Variants in NTM observed in about 807,000 individuals in gnomAD.
NTM encodes IgLON family member 2.
Under a neutral mutation model 42.1 loss-of-function variants are expected in NTM, and 13 were observed. The ratio of observed to expected loss-of-function variants is 0.31; its 90% CI spans 0.20 to 0.49. The LOEUF (loss-of-function observed/expected upper bound fraction) is 0.49. Ranked by LOEUF, NTM falls within the 20% of genes least tolerant of loss-of-function variation. The pLI, the probability that NTM is intolerant of heterozygous loss-of-function variation, is 0.99. For synonymous variants in NTM, 187 were observed against 179.2 expected (o/e 1.04, Z -0.35); for missense variants, 373 against 452.8 (o/e 0.82, Z 1.60).
At chr11:132,254,826 T>A (rs939084367) in intron 4 of NTM, among the ~76,000 whole-genome samples, 1 of 152,126 alleles carries the variant, frequency 6.6e-6, no homozygotes, top group African/African-American at 2.4e-5. Context: ...GGGTTCTCAT[T>A]CTTGGCGCCA....
chr11:132,056,324 C>T (rs1281971055), intron 2 of NTM, among the ~76,000 whole-genome samples: 1 of 152,150 alleles, frequency 6.6e-6, no homozygotes, highest in African/African-American at 2.4e-5. Flanking sequence ...TACACGTCAT[C>T]CCCTATCCCC....
rs1337236311 is a variant in NTM at position 131,373,692 on chromosome 11, G to A, written c.82+2804G>A. 2.0e-5 allele frequency among the ~76,000 whole-genome samples: 3 copies of A among 152,180 alleles called. No individual in the cohort carries two copies. In the East Asian group the frequency reaches 5.8e-4, roughly 29 times the overall value. On this transcript the variant is annotated intron_variant, in intron 1 of 8. Coordinates refer to ENST00000683400, the MANE Select transcript of NTM (RefSeq NM_001352005.2). The stretch of plus-strand genomic sequence containing the variant: ...CCACTGAGAGCCTCTGAAAGGAATG[G>A]CTGCTTGTGCTGCAGCTTCCTCTTT...
At position 131,494,600 on chromosome 11, in the gene NTM, C is replaced by T. The variant is rs143476685; in HGVS notation, c.82+123712C>T. On this transcript the variant is annotated intron_variant, in intron 1 of 8. Transcript: ENST00000683400. ...TGGGGCAAACTCAGATGATTGGTCA[C>T]TCCATTGCATGTGCAAAGATGATAA... Among the ~76,000 whole-genome samples the T allele has an allele frequency of 4.6e-5, 7 of 152,328 alleles. No individual in the cohort carries two copies. In the East Asian group the frequency reaches 9.6e-4, roughly 21 times the overall value.
At chr11:131,507,283 A>G (rs1302498994) in intron 1 of NTM, among the ~76,000 whole-genome samples, 1 of 151,994 alleles carries the variant, frequency 6.6e-6, no homozygotes, top group Non-Finnish European at 1.5e-5. Context: ...ATGGCTAGCC[A>G]GTTTTCCCAG....
At chr11:131,608,147 T>C (rs1379204091) in intron 1 of NTM, among the ~76,000 whole-genome samples, 2 of 152,154 alleles carry the variant, frequency 1.3e-5, no homozygotes, top group Non-Finnish European at 2.9e-5. Context: ...ACATGCAGTG[T>C]GTGGTTTTTT....
intron 4 of NTM, among the ~76,000 whole-genome samples, chr11:132,297,643 G>T (rs145946180): frequency 1.4e-4 from 22 of 152,104 alleles, no homozygotes; most frequent in African/African-American, 5.3e-4. Flanking sequence ...TGAAACATAC[G>T]TAAGGCTCTG....
chr11:131,476,229 AAGGTT>A (rs1396866561), intron 1 of NTM, among the ~76,000 whole-genome samples: 3 of 152,182 alleles, frequency 2.0e-5, no homozygotes, highest in African/African-American at 7.2e-5. Context: ...ATTCTCCACT[AAGGTT>A]AGGGAGCACT....
chr11:132,330,052 G>A (rs762929072), intron 7 of NTM, 101 bp from the exon 8 acceptor site: 85 of 1,522,636 alleles, frequency 5.6e-5, no homozygotes, highest in Non-Finnish European at 7.3e-5. Flanking sequence ...GGACGCTGCT[G>A]CGCCAGGAGC....
At chr11:132,114,245 T>G (rs752859486) in intron 2 of NTM, among the ~76,000 whole-genome samples, 7 of 152,234 alleles carry the variant, frequency 4.6e-5, no homozygotes, top group Non-Finnish European at 8.8e-5. Flanking sequence ...GTTCAAGGCA[T>G]GTATCAAGGC....
chr11:132,319,638 G>A (rs1177032681), intron 7 of NTM, among the ~76,000 whole-genome samples: 1 of 152,260 alleles, frequency 6.6e-6, no homozygotes, highest in African/African-American at 2.4e-5. Context: ...CGAACTGGGT[G>A]GAGCCCACCA....
intron 3 of NTM, among the ~76,000 whole-genome samples, chr11:132,149,448 A>G (rs2071372816): frequency 6.6e-6 from 1 of 152,194 alleles, no homozygotes; most frequent in Non-Finnish European, 1.5e-5. Flanking sequence ...AAAAGGAACT[A>G]AATTGATATT....
chr11:131,604,697 A>G (rs2060780632), intron 1 of NTM, among the ~76,000 whole-genome samples: 1 of 139,378 alleles, frequency 7.2e-6, no homozygotes, highest in African/African-American at 2.8e-5. Context: ...GGTAAAATTT[A>G]AGGTCTTTTT....
At chr11:131,582,623 C>T (rs2058509073) in intron 1 of NTM, among the ~76,000 whole-genome samples, 1 of 151,760 alleles carries the variant, frequency 6.6e-6, no homozygotes, top group African/African-American at 2.4e-5. Flanking sequence ...TTTACTCCTG[C>T]ATCGGCAAGA....
intron 4 of NTM, among the ~76,000 whole-genome samples, chr11:132,263,874 AC>A (rs1197978165): frequency 6.6e-6 from 1 of 152,238 alleles, no homozygotes; most frequent in Non-Finnish European, 1.5e-5. Context: ...TCTCGTCAGA[AC>A]GGCTTTTACC....
chr11:131,901,772 T>C (rs1212344313), intron 1 of NTM, among the ~76,000 whole-genome samples: 20 of 152,244 alleles, frequency 1.3e-4, no homozygotes, highest in Admixed American at 1.3e-3. Flanking sequence ...TGTGGTTTAT[T>C]CACATGCACG....
chr11:132,205,131 G>A (rs753060687), intron 3 of NTM, among the ~76,000 whole-genome samples: 26 of 152,092 alleles, frequency 1.7e-4, no homozygotes, highest in African/African-American at 5.3e-4. Context: ...GAGGAGATGC[G>A]GGCATCTCCA....
intron 1 of NTM, among the ~76,000 whole-genome samples, chr11:131,760,454 G>T (rs976657631): frequency 1.3e-5 from 2 of 152,186 alleles, no homozygotes; most frequent in African/African-American, 2.4e-5. Flanking sequence ...CGATATGCTG[G>T]TTCATCAGCA....
chr11:131,881,071 A>AT (rs1402504523), intron 1 of NTM, among the ~76,000 whole-genome samples: 2 of 152,144 alleles, frequency 1.3e-5, no homozygotes, highest in Non-Finnish European at 2.9e-5. Context: ...GAATCAGTGT[A>AT]TTCCCCCATG....
At chr11:131,539,965 G>A (rs376180883) in intron 1 of NTM, among the ~76,000 whole-genome samples, 10 of 152,192 alleles carry the variant, frequency 6.6e-5, no homozygotes, top group East Asian at 1.9e-4. Context: ...AGGAACACAC[G>A]AAGTTCCAGG....
Sources: gnomAD v4.1 joint callset for allele counts (sites outside exome capture counted in the v4.1 genomes callset) on GRCh38, gnomAD v4.1.1 for gene constraint, MANE v1.5 for transcripts, NCBI Gene and HGNC (gene_info 2026-07-23, HGNC 2026-07-21) for gene names.